Variants in DMD observed in about 807,000 individuals in gnomAD.
The protein encoded by DMD is dystrophin.
A neutral mutation model predicts 330.1 loss-of-function variants in DMD; 63 were observed. The ratio of observed to expected loss-of-function variants is 0.19; its 90% CI spans 0.16 to 0.24. The LOEUF is 0.24. DMD is among the 10% of genes least tolerant of loss of function. The probability of loss-of-function intolerance (pLI) is 1.00; values close to 1 mark genes in which losing one functional copy is unlikely to be tolerated. For missense variants in DMD, 3,344 were observed against 2,684.1 expected (o/e 1.25, Z -5.43); for synonymous variants, 1,223 against 959.8 (o/e 1.27, Z -5.07).
chrX:33,070,756 TAAAG>T (rs1369779499), intron 1 of DMD, among the ~76,000 whole-genome samples: 1 of 99,883 alleles, frequency 1.0e-5, no homozygotes, highest in Non-Finnish European at 2.0e-5. Flanking sequence ...ACTTCTTAAA[TAAAG>T]AATTACCTAA....
intron 44 of DMD, among the ~76,000 whole-genome samples, chrX:32,048,398 C>T (rs1203463381): frequency 5.7e-5 from 6 of 105,935 alleles, no homozygotes; most frequent in African/African-American, 2.1e-4. Flanking sequence ...TCATTTTTCA[C>T]ATCATATCAA....
At chrX:32,685,205 C>A (rs1304922253) in intron 9 of DMD, among the ~76,000 whole-genome samples, 2 of 111,250 alleles carry the variant, frequency 1.8e-5, no homozygotes, top group East Asian at 5.6e-4. Flanking sequence ...TGACTTTAAT[C>A]ACCTAGCTCA....
intron 5 of DMD, among the ~76,000 whole-genome samples, chrX:32,819,369 T>C (rs996519052): frequency 2.7e-5 from 3 of 110,891 alleles, no homozygotes; most frequent in African/African-American, 9.9e-5. Context: ...CCAGTAAAAG[T>C]ATGGACCTGA....
At chrX:31,785,197 T>C (rs1440789498) in intron 50 of DMD, among the ~76,000 whole-genome samples, 1 of 112,122 alleles carries the variant, frequency 8.9e-6, no homozygotes, top group Non-Finnish European at 1.9e-5. Flanking sequence ...AAATGACAAA[T>C]ACTGCATGCT....
chrX:32,795,370 G>T (rs1377152318), intron 7 of DMD, among the ~76,000 whole-genome samples: 1 of 112,058 alleles, frequency 8.9e-6, no homozygotes, highest in Non-Finnish European at 1.9e-5. Context: ...GCATTAGGGG[G>T]AAGGACACCT....
At chrX:31,451,653 G>A (rs1011346294) in intron 59 of DMD, among the ~76,000 whole-genome samples, 1 of 110,522 alleles carries the variant, frequency 9.0e-6, no homozygotes, top group Non-Finnish European at 1.9e-5. Context: ...CAACAAAACT[G>A]GGATTGTCAC....
intron 7 of DMD, among the ~76,000 whole-genome samples, chrX:32,738,088 GTGAAATA>G (rs2068757379): frequency 9.0e-6 from 1 of 111,591 alleles, no homozygotes; most frequent in African/African-American, 3.3e-5. Context: ...TAGAGCTCAA[GTGAAATA>G]TGGGCAAAAC....
At chrX:31,293,218 T>TGTGTGTGTAGTCTGGTTTA (rs2053890399) in intron 62 of DMD, among the ~76,000 whole-genome samples, 4 of 95,908 alleles carry the variant, frequency 4.2e-5, no homozygotes, top group African/African-American at 1.8e-4. Flanking sequence ...TGTGTGTGTG[T>TGTGTGTGTAGTCTGGTTTA]GTGTGTGTGT....
chrX:32,725,463 T>A (rs775829303), intron 7 of DMD, among the ~76,000 whole-genome samples: 1 of 110,660 alleles, frequency 9.0e-6, no homozygotes, highest in South Asian at 3.8e-4. Flanking sequence ...TCCATGCCAA[T>A]GGAAACCAAA....
intron 52 of DMD, among the ~76,000 whole-genome samples, chrX:31,690,270 C>A (rs1299846379): frequency 8.9e-6 from 1 of 111,862 alleles, no homozygotes; most frequent in East Asian, 2.8e-4. Flanking sequence ...AACAAACTTA[C>A]AAGAAAAAAC....
chrX:31,187,758 A>C (rs1268966995), intron 67 of DMD, among the ~76,000 whole-genome samples: 1 of 94,358 alleles, frequency 1.1e-5, no homozygotes, highest in Admixed American at 1.2e-4. Context: ...AGAGAGAGAG[A>C]GAGAGAGAGA....
intron 2 of DMD, among the ~76,000 whole-genome samples, chrX:33,011,309 C>G (rs902557793): frequency 9.0e-6 from 1 of 111,523 alleles, no homozygotes; most frequent in Admixed American, 9.6e-5. Flanking sequence ...TATATGCCCT[C>G]TCACAACCTC....
chrX:31,376,874 A>G (rs1175548346), intron 60 of DMD, among the ~76,000 whole-genome samples: 1 of 111,792 alleles, frequency 8.9e-6, no homozygotes, highest in Non-Finnish European at 1.9e-5. Context: ...GGTTTTAATG[A>G]TTACAGCAGA....
chrX:32,735,937 G>A (rs1048848906), intron 7 of DMD, among the ~76,000 whole-genome samples: 2 of 111,945 alleles, frequency 1.8e-5, no homozygotes, highest in Non-Finnish European at 3.8e-5. Flanking sequence ...AAACTAAAGA[G>A]CTTCTGCACA....
At chrX:33,260,288 T>C (rs6631763) in intron 1 of DMD, among the ~76,000 whole-genome samples, 4,332 of 111,234 alleles carry the variant, frequency 0.039, 231 homozygotes, top group African/African-American at 0.13. Context: ...TATTTTTAAG[T>C]AACAATAATG....
intron 64 of DMD, 53 bp downstream of exon 64, chrX:31,222,994 T>C: frequency 9.0e-7 from 1 of 1,107,638 alleles, no homozygotes; most frequent in Non-Finnish European, 1.2e-6. Flanking sequence ...ACCTACTTTT[T>C]ATTCTAAGCA....
At chrX:32,126,516 G>C (rs939776782) in intron 44 of DMD, among the ~76,000 whole-genome samples, 1 of 111,960 alleles carries the variant, frequency 8.9e-6, no homozygotes, top group Non-Finnish European at 1.9e-5. Context: ...AGAGTTTCTA[G>C]TGTTTTGTTC....
intron 1 of DMD, among the ~76,000 whole-genome samples, chrX:33,107,998 G>T (rs950759733): frequency 9.0e-6 from 1 of 110,996 alleles, no homozygotes; most frequent in Non-Finnish European, 1.9e-5. Flanking sequence ...AGGACAAGCT[G>T]ATTGATTCAT....
At chrX:32,867,976 T>G (rs1276151439) in intron 2 of DMD, among the ~76,000 whole-genome samples, 2 of 95,472 alleles carry the variant, frequency 2.1e-5, no homozygotes, top group Non-Finnish European at 2.1e-5. Flanking sequence ...AGTCAGAGGC[T>G]CCCACTGAGA....
Sources: gnomAD v4.1 joint callset for allele counts (sites outside exome capture counted in the v4.1 genomes callset) on GRCh38, gnomAD v4.1.1 for gene constraint, MANE v1.5 for transcripts, NCBI Gene and HGNC (gene_info 2026-07-23, HGNC 2026-07-21) for gene names.